Variants in SPOCK3 observed in about 807,000 individuals in gnomAD.
SPOCK3 encodes testican-3.
SPOCK3 carries 30 observed loss-of-function variants against 56.6 expected under a neutral mutation model. That is an observed-to-expected ratio of 0.53 (90% CI 0.40 to 0.72). The LOEUF (loss-of-function observed/expected upper bound fraction) is 0.72, where lower values mean the gene tolerates loss of function less well. Ranked by LOEUF, SPOCK3 falls within the 30% of genes least tolerant of loss-of-function variation. SPOCK3 has a pLI of 0.00. For synonymous variants in SPOCK3, 196 were observed against 183.3 expected, an observed-to-expected ratio of 1.07 and a Z score of -0.56; for missense variants, 527 against 530.0, an observed-to-expected ratio of 0.99 and a Z score of 0.06.
intron 4 of SPOCK3, among the ~76,000 whole-genome samples, chr4:166,973,884 T>C (rs1480030972): frequency 6.6e-6 from 1 of 152,166 alleles, no homozygotes; most frequent in Non-Finnish European, 1.5e-5. Flanking sequence ...GACTTTGGAA[T>C]ACATAAATAT....
intron 2 of SPOCK3, among the ~76,000 whole-genome samples, chr4:167,115,452 A>G (rs892025108): frequency 5.9e-5 from 9 of 152,162 alleles, no homozygotes; most frequent in African/African-American, 2.2e-4. Flanking sequence ...AAGATAAAAT[A>G]TTGGTCCTGG....
intron 2 of SPOCK3, among the ~76,000 whole-genome samples, chr4:167,072,324 A>C (rs983463339): frequency 2.0e-5 from 3 of 152,020 alleles, no homozygotes; most frequent in African/African-American, 4.8e-5. Context: ...AAGTTTTATT[A>C]GCCACACCCC....
intron 2 of SPOCK3, among the ~76,000 whole-genome samples, chr4:167,140,140 C>A (rs1027507413): frequency 1.3e-5 from 2 of 151,988 alleles, no homozygotes; most frequent in Non-Finnish European, 2.9e-5. Context: ...GCCATCTTAC[C>A]TTTGATTTCC....
At chr4:166,981,790 G>C (rs1346526824) in intron 4 of SPOCK3, among the ~76,000 whole-genome samples, 1 of 152,076 alleles carries the variant, frequency 6.6e-6, no homozygotes, top group Non-Finnish European at 1.5e-5. Context: ...CTACACCAAG[G>C]GGAGCCTGCT....
intron 2 of SPOCK3, among the ~76,000 whole-genome samples, chr4:167,224,532 T>C (rs552250638): frequency 2.3e-4 from 35 of 152,320 alleles, no homozygotes; most frequent in African/African-American, 8.2e-4. Context: ...TTGTTTAAAA[T>C]AGCCATGTAT....
intron 3 of SPOCK3, among the ~76,000 whole-genome samples, chr4:167,053,958 G>T (rs1754499898): frequency 6.6e-6 from 1 of 152,028 alleles, no homozygotes; most frequent in Non-Finnish European, 1.5e-5. Context: ...TCTGTATATT[G>T]ATCTTCTTCA....
chr4:166,860,118 C>A (rs1159575733), intron 6 of SPOCK3, among the ~76,000 whole-genome samples: 1 of 152,094 alleles, frequency 6.6e-6, no homozygotes, highest in Non-Finnish European at 1.5e-5. Context: ...TCAGGCGTAG[C>A]TGGTATCATA....
At chr4:167,209,143 T>C (rs970022645) in intron 2 of SPOCK3, among the ~76,000 whole-genome samples, 1 of 152,108 alleles carries the variant, frequency 6.6e-6, no homozygotes, top group African/African-American at 2.4e-5. Flanking sequence ...AAGAGAAAGG[T>C]AAAATGGCTT....
intron 6 of SPOCK3, among the ~76,000 whole-genome samples, chr4:166,851,011 G>T (rs1195347476): frequency 6.6e-6 from 1 of 152,134 alleles, no homozygotes; most frequent in Non-Finnish European, 1.5e-5. Context: ...CACCTCTGGG[G>T]GCAGGGCACA....
At chr4:166,907,709 G>A (rs912020506) in intron 5 of SPOCK3, among the ~76,000 whole-genome samples, 1 of 151,982 alleles carries the variant, frequency 6.6e-6, no homozygotes, top group Non-Finnish European at 1.5e-5. Context: ...TCATACCAGG[G>A]ACTTTATTGC....
intron 5 of SPOCK3, among the ~76,000 whole-genome samples, chr4:166,889,482 A>T (rs1734540640): frequency 6.6e-6 from 1 of 151,972 alleles, no homozygotes; most frequent in African/African-American, 2.4e-5. Flanking sequence ...GTCACTGAGA[A>T]ATATAATAGG....
chr4:166,981,432 T>C (rs904076242), intron 4 of SPOCK3, among the ~76,000 whole-genome samples: 1 of 151,666 alleles, frequency 6.6e-6, no homozygotes, highest in Non-Finnish European at 1.5e-5. Context: ...CGACCTGGAG[T>C]GGGTAGCTCC....
In SPOCK3 at chr4:166,912,651, C is replaced by T; in HGVS notation, c.443G>A (p.Cys148Tyr). The T allele has an allele frequency of 6.2e-7, 1 of 1,613,668 alleles. No homozygotes were observed. Among genetic ancestry groups the T allele is most frequent in the Non-Finnish European group, 8.5e-7 (1 of 1,179,776 alleles). The change falls in exon 5 of 11, where the codon TGT (cysteine) becomes TAT (tyrosine). Residue 148 changes from cysteine to tyrosine, a missense_variant. Transcript: ENST00000357545. ...QCPVVYPSPV[C>Y]GSDGHTYSFQ... Reference sequence around the variant, plus strand: ...AGAGTAGGTATGACCATCTGAACCACAAACAGGGCTGGGATAGACCACTGG... The same window carrying T: ...AGAGTAGGTATGACCATCTGAACCATAAACAGGGCTGGGATAGACCACTGG...
chr4:166,999,729 C>A (rs891999386), intron 4 of SPOCK3, among the ~76,000 whole-genome samples: 1 of 152,170 alleles, frequency 6.6e-6, no homozygotes, highest in African/African-American at 2.4e-5. Flanking sequence ...ACTACACAGG[C>A]TATTTCTAAA....
intron 2 of SPOCK3, chr4:167,119,669 G>T: frequency 1.6e-6 from 1 of 643,204 alleles, no homozygotes; most frequent in Non-Finnish European, 2.6e-6. Flanking sequence ...AGACTTGTTT[G>T]TTTGATGCAT....
At chr4:166,879,625 C>A (rs1180404292) in intron 6 of SPOCK3, among the ~76,000 whole-genome samples, 1 of 152,192 alleles carries the variant, frequency 6.6e-6, no homozygotes, top group East Asian at 1.9e-4. Flanking sequence ...CACTTTCCCT[C>A]ATATTTTACA....
chr4:167,122,026 C>T (rs1269918000), intron 2 of SPOCK3, among the ~76,000 whole-genome samples: 1 of 151,682 alleles, frequency 6.6e-6, no homozygotes, highest in Non-Finnish European at 1.5e-5. Context: ...AATAACCTTC[C>T]CTCCCTGCCT....
intron 2 of SPOCK3, among the ~76,000 whole-genome samples, chr4:167,195,716 A>G (rs966996101): frequency 6.6e-6 from 1 of 152,182 alleles, no homozygotes; most frequent in African/African-American, 2.4e-5. Flanking sequence ...GCTAAAACGC[A>G]TTGCAGATGT....
At chr4:167,053,928 C>T (rs17052929) in intron 3 of SPOCK3, among the ~76,000 whole-genome samples, 6,218 of 151,990 alleles carry the variant, frequency 0.041, 177 homozygotes, top group Middle Eastern at 0.068. Context: ...GAAACGGGTT[C>T]GTTCTTATAT....
Sources: gnomAD v4.1 joint callset for allele counts (sites outside exome capture counted in the v4.1 genomes callset) on GRCh38, gnomAD v4.1.1 for gene constraint, MANE v1.5 for transcripts, NCBI Gene and HGNC (gene_info 2026-07-23, HGNC 2026-07-21) for gene names.